Variants in TPST2 observed in about 807,000 individuals in gnomAD.
TPST2 encodes the protein tyrosylprotein sulfotransferase 2.
TPST2 carries 16 observed loss-of-function variants against 27.8 expected under a neutral mutation model. That is an observed-to-expected ratio of 0.58 (90% CI 0.39 to 0.88). The LOEUF (loss-of-function observed/expected upper bound fraction) is 0.88, where lower values mean the gene tolerates loss of function less well. Ranked by LOEUF, TPST2 falls within the 40% of genes least tolerant of loss-of-function variation. The pLI is 0.00. For synonymous variants in TPST2, 229 were observed against 231.7 expected (o/e 0.99, Z 0.10); for missense variants, 464 against 543.1 (o/e 0.85, Z 1.45).
At chr22:26,559,124 C>T (rs946911919) in intron 1 of TPST2, among the ~76,000 whole-genome samples, 3 of 152,242 alleles carry the variant, frequency 2.0e-5, no homozygotes, top group African/African-American at 7.2e-5. Flanking sequence ...CCCAACACTA[C>T]GGGAGGCCGA....
At chr22:26,562,625 TTTTC>T (rs372766788) in intron 1 of TPST2, among the ~76,000 whole-genome samples, 3,574 of 135,166 alleles carry the variant, frequency 0.026, 123 homozygotes, top group African/African-American at 0.086. Context: ...TTTTCTTTTC[TTTTC>T]TTTTTTTTTT....
intron 1 of TPST2, among the ~76,000 whole-genome samples, chr22:26,575,484 C>T (rs911048443): frequency 3.3e-5 from 5 of 152,186 alleles, no homozygotes; most frequent in Non-Finnish European, 5.9e-5. Context: ...CTGCATCCTC[C>T]GGAGACAGCG....
At chr22:26,574,169 G>A (rs1927739680) in intron 1 of TPST2, among the ~76,000 whole-genome samples, 1 of 152,190 alleles carries the variant, frequency 6.6e-6, no homozygotes, top group African/African-American at 2.4e-5. Flanking sequence ...ATGCCATGGG[G>A]AGAGTCCCTT....
At chr22:26,585,971 A>T (rs1928330782) in intron 1 of TPST2, among the ~76,000 whole-genome samples, 1 of 152,106 alleles carries the variant, frequency 6.6e-6, no homozygotes, top group Non-Finnish European at 1.5e-5. Context: ...TGAACCCGGG[A>T]GGTAGAGCTT....
rs2147176982 is a variant in TPST2 at position 26,532,885 on chromosome 22, C to T, written c.1042-140G>A. 6.9e-6 allele frequency: 5 copies of T among 727,564 alleles called. No homozygotes were observed. The East Asian group carries it at 1.3e-4, about 18-fold the overall frequency. The allele number at this position is 727,564 out of a possible 1,614,324, so 45.1% of individuals were successfully genotyped here. ...CATCCAACAAACATTGCTTAAGCTC[C>T]TCTTCTTCTAGGCATTATTCTAAGC... On this transcript the variant is annotated intron_variant, in intron 4 of 6. Coordinates refer to ENST00000338754, the MANE Select transcript of TPST2 (RefSeq NM_003595.5).
At chr22:26,530,878 C>T (rs1400421749) in intron 5 of TPST2, among the ~76,000 whole-genome samples, 2 of 151,804 alleles carry the variant, frequency 1.3e-5, no homozygotes, top group African/African-American at 4.8e-5. Context: ...GCGTGGTGGC[C>T]GGTGCCTGTA....
intron 1 of TPST2, among the ~76,000 whole-genome samples, chr22:26,557,069 G>A (rs891150135): frequency 6.6e-6 from 1 of 152,226 alleles, no homozygotes; most frequent in African/African-American, 2.4e-5. Context: ...AAGTAGGTAG[G>A]AGATGGCAAC....
intron 5 of TPST2, among the ~76,000 whole-genome samples, chr22:26,529,061 C>G (rs1925003616): frequency 6.6e-6 from 1 of 151,944 alleles, no homozygotes; most frequent in African/African-American, 2.4e-5. Flanking sequence ...CTGGGGGTCC[C>G]TAGATAGCTT....
chr22:26,562,430 G>A (rs1188819830), intron 1 of TPST2, among the ~76,000 whole-genome samples: 2 of 152,136 alleles, frequency 1.3e-5, no homozygotes, highest in Non-Finnish European at 2.9e-5. Flanking sequence ...CAGTCCATGT[G>A]CCATTTCTAC....
intron 1 of TPST2, chr22:26,560,996 G>C: frequency 6.2e-7 from 1 of 1,608,338 alleles, no homozygotes; most frequent in East Asian, 2.2e-5. Context: ...AATACGAAAA[G>C]GATATTGCTG....
chr22:26,545,641 C>A (rs1195511853), intron 1 of TPST2, among the ~76,000 whole-genome samples: 1 of 152,188 alleles, frequency 6.6e-6, no homozygotes, highest in Non-Finnish European at 1.5e-5. Context: ...ACCTGTCAGT[C>A]CTGTTTCAGG....
chr22:26,568,864 C>CTTTT (rs985608738), intron 1 of TPST2, among the ~76,000 whole-genome samples: 7 of 119,612 alleles, frequency 5.9e-5, no homozygotes, highest in South Asian at 2.6e-4. Flanking sequence ...ACCCTGAATT[C>CTTTT]TTTTTTTTTT....
At chr22:26,547,742 G>A (rs1057486077) in intron 1 of TPST2, 9 of 152,350 alleles carry the variant, frequency 5.9e-5, no homozygotes, top group Admixed American at 2.6e-4. Flanking sequence ...TTGAGCCCAG[G>A]AGATCAAGGC....
intron 1 of TPST2, among the ~76,000 whole-genome samples, chr22:26,549,506 A>C (rs1280173215): frequency 5.9e-5 from 9 of 151,638 alleles, no homozygotes; most frequent in Middle Eastern, 3.4e-3. Flanking sequence ...AAATACAAAA[A>C]ATTAGCCAGG....
chr22:26,586,191 G>A (rs1928342392), intron 1 of TPST2, among the ~76,000 whole-genome samples: 1 of 152,060 alleles, frequency 6.6e-6, no homozygotes, highest in Non-Finnish European at 1.5e-5. Flanking sequence ...TGCCTAGGGA[G>A]CCTTCCCACC....
At chr22:26,584,454 T>A (rs1445087755) in intron 1 of TPST2, among the ~76,000 whole-genome samples, 1 of 152,202 alleles carries the variant, frequency 6.6e-6, no homozygotes, top group Non-Finnish European at 1.5e-5. Context: ...GTGTTTTCTA[T>A]GTGCTAGGCC....
chr22:26,583,613 TG>T (rs1164570262), intron 1 of TPST2, among the ~76,000 whole-genome samples: 2 of 151,390 alleles, frequency 1.3e-5, no homozygotes, highest in Non-Finnish European at 2.9e-5. Context: ...CCCAGCACTT[TG>T]GGAGGCCAAG....
chr22:26,545,481 T>C (rs1462834717), intron 1 of TPST2, among the ~76,000 whole-genome samples: 4 of 152,196 alleles, frequency 2.6e-5, no homozygotes, highest in African/African-American at 7.2e-5. Flanking sequence ...AGGGAGTATA[T>C]ATCTCCCAGT....
intron 1 of TPST2, among the ~76,000 whole-genome samples, chr22:26,551,185 C>G (rs1013265920): frequency 6.6e-6 from 1 of 152,144 alleles, no homozygotes; most frequent in African/African-American, 2.4e-5. Flanking sequence ...ACTTGGGAGG[C>G]TGAAGTGGGA....
Sources: gnomAD v4.1 joint callset for allele counts (sites outside exome capture counted in the v4.1 genomes callset) on GRCh38, gnomAD v4.1.1 for gene constraint, MANE v1.5 for transcripts, NCBI Gene and HGNC (gene_info 2026-07-23, HGNC 2026-07-21) for gene names.